Variants in STXBP5L observed in about 807,000 individuals in gnomAD.
The protein encoded by STXBP5L is syntaxin binding protein 5L.
A neutral mutation model predicts 144.5 loss-of-function variants in STXBP5L; 65 were observed. The observed-to-expected ratio is 0.45, with a 90% confidence interval of 0.37 to 0.55. The LOEUF is 0.55. Among genes scored for constraint, STXBP5L ranks in the 20% least tolerant of loss-of-function variants. STXBP5L has a pLI of 0.00. For synonymous variants in STXBP5L, 505 were observed against 469.6 expected (o/e 1.08, Z -0.97); for missense variants, 1,298 against 1,405.5 (o/e 0.92, Z 1.22).
rs114717994 is a variant in STXBP5L at position 121,112,134 on chromosome 3, C to A, written c.471-2791C>A. Among the ~76,000 whole-genome samples the A allele has an allele frequency of 7.3e-3, 1,113 of 152,178 alleles. 8 individuals are homozygous for A. Among genetic ancestry groups the A allele is most frequent in the African/African-American group, 0.024 (989 of 41,538 alleles). ...TGCATTTATGGCTGCCACCCCTCCCCCCAGGACTCAGTCATCTTAGGCAAC... is the reference window on the plus strand; with the variant it reads ...TGCATTTATGGCTGCCACCCCTCCCACCAGGACTCAGTCATCTTAGGCAAC... On this transcript the variant is annotated intron_variant, in intron 5 of 26. Transcript: ENST00000471454.
intron 9 of STXBP5L, among the ~76,000 whole-genome samples, chr3:121,186,155 G>A (rs1350775985): frequency 6.6e-6 from 1 of 152,162 alleles, no homozygotes; most frequent in Non-Finnish European, 1.5e-5. Context: ...TTTGTATCCT[G>A]AGACTTTGCT....
intron 9 of STXBP5L, among the ~76,000 whole-genome samples, chr3:121,199,292 C>T (rs1351998159): frequency 9.2e-5 from 14 of 151,642 alleles, no homozygotes; most frequent in Admixed American, 8.6e-4. Flanking sequence ...TGTCTATTAT[C>T]GATGTATAGG....
chr3:121,203,142 G>A (rs1223346008), intron 9 of STXBP5L, among the ~76,000 whole-genome samples: 1 of 149,822 alleles, frequency 6.7e-6, no homozygotes, highest in Non-Finnish European at 1.5e-5. Context: ...CCTCAAAATT[G>A]CTCTATTAAA....
chr3:121,020,445 C>T (rs1215413963), intron 3 of STXBP5L, among the ~76,000 whole-genome samples: 1 of 152,058 alleles, frequency 6.6e-6, no homozygotes, highest in Non-Finnish European at 1.5e-5. Context: ...AAGATAATCA[C>T]CTAGACACAT....
At chr3:121,412,539 A>C (rs2047136014) in intron 23 of STXBP5L, among the ~76,000 whole-genome samples, 1 of 152,094 alleles carries the variant, frequency 6.6e-6, no homozygotes, top group Admixed American at 6.6e-5. Context: ...GTCTTAGAGC[A>C]AGCATAACAT....
rs1357166170 is a variant in STXBP5L, at chr3:120,908,324, G to T, written c.-19G>T. 6.6e-6 allele frequency: 1 copy of T among 152,446 alleles called. No individual in the cohort carries two copies. Among genetic ancestry groups the T allele is most frequent in the African/African-American group, 2.4e-5 (1 of 41,474 alleles). 9.4% of individuals were successfully genotyped at this position (152,446 alleles called of 1,614,324 possible). ...CCCGGGCTGGCAGGCGGCTAGAGGC[G>T]TCTGAGGAAGGTGCCTAAGTCCTGG... On this transcript the variant is annotated 5_prime_UTR_variant, in exon 1 of 27. Transcript: ENST00000471454.
At chr3:120,917,859 G>A (rs139417201) in intron 2 of STXBP5L, among the ~76,000 whole-genome samples, 1 of 152,300 alleles carries the variant, frequency 6.6e-6, no homozygotes, top group African/African-American at 2.4e-5. Flanking sequence ...TCTATGAGAA[G>A]ATCATATGAC....
chr3:121,120,459 A>G (rs1439964739), intron 6 of STXBP5L, among the ~76,000 whole-genome samples: 2 of 151,250 alleles, frequency 1.3e-5, no homozygotes, highest in Admixed American at 6.6e-5. Flanking sequence ...TATCACATCA[A>G]TCATAATACA....
chr3:121,293,151 A>T (rs1391806114), intron 19 of STXBP5L, among the ~76,000 whole-genome samples: 1 of 152,260 alleles, frequency 6.6e-6, no homozygotes, highest in Non-Finnish European at 1.5e-5. Context: ...AGAATATACT[A>T]TTGATAACTA....
At chr3:121,057,001 T>A (rs1044679554) in intron 5 of STXBP5L, among the ~76,000 whole-genome samples, 3 of 150,538 alleles carry the variant, frequency 2.0e-5, no homozygotes, top group African/African-American at 7.3e-5. Context: ...TTATATATAT[T>A]TTATTACACA....
chr3:120,958,032 G>T (rs561600738), intron 3 of STXBP5L, among the ~76,000 whole-genome samples: 2 of 152,074 alleles, frequency 1.3e-5, no homozygotes, highest in Admixed American at 6.5e-5. Context: ...AAGAAGAAAA[G>T]GGAGAAGAGT....
chr3:121,310,562 C>A (rs938789658), intron 19 of STXBP5L, among the ~76,000 whole-genome samples: 1 of 151,468 alleles, frequency 6.6e-6, no homozygotes, highest in African/African-American at 2.4e-5. Flanking sequence ...TTGTAGTGAG[C>A]CGAAATCGTG....
chr3:121,346,721 T>C (rs1002230769), intron 20 of STXBP5L, among the ~76,000 whole-genome samples: 3 of 152,144 alleles, frequency 2.0e-5, no homozygotes, highest in African/African-American at 7.2e-5. Flanking sequence ...AGCATTTTTG[T>C]ATGTGTCTTT....
chr3:121,335,919 G>C (rs1416304902), intron 20 of STXBP5L, among the ~76,000 whole-genome samples: 1 of 152,106 alleles, frequency 6.6e-6, no homozygotes, highest in Non-Finnish European at 1.5e-5. Context: ...AGTGATAAAT[G>C]GGATATAATT....
At chr3:121,021,591 C>G (rs1324751290) in intron 3 of STXBP5L, among the ~76,000 whole-genome samples, 1 of 152,056 alleles carries the variant, frequency 6.6e-6, no homozygotes, top group Non-Finnish European at 1.5e-5. Flanking sequence ...TGGAATATAA[C>G]TGGAAATCAT....
At chr3:121,082,913 T>C (rs1311928104) in intron 5 of STXBP5L, among the ~76,000 whole-genome samples, 2 of 152,172 alleles carry the variant, frequency 1.3e-5, no homozygotes, top group Non-Finnish European at 2.9e-5. Flanking sequence ...AACTTTTACA[T>C]TTGGGCTGGG....
intron 19 of STXBP5L, among the ~76,000 whole-genome samples, chr3:121,299,492 C>G (rs922875837): frequency 6.6e-6 from 1 of 151,982 alleles, no homozygotes; most frequent in African/African-American, 2.4e-5. Context: ...ATTGCTTTAA[C>G]AATATATTGC....
chr3:121,009,725 A>C (rs565216021), intron 3 of STXBP5L, among the ~76,000 whole-genome samples: 2 of 152,038 alleles, frequency 1.3e-5, no homozygotes, highest in Admixed American at 1.3e-4. Context: ...CTAATTCTGA[A>C]TGTACCACTT....
intron 3 of STXBP5L, among the ~76,000 whole-genome samples, chr3:120,982,418 C>T (rs1330239464): frequency 2.6e-5 from 4 of 152,160 alleles, no homozygotes; most frequent in Non-Finnish European, 5.9e-5. Context: ...ATGTACTGAG[C>T]TCTCTGAAGG....
Sources: gnomAD v4.1 joint callset for allele counts (sites outside exome capture counted in the v4.1 genomes callset) on GRCh38, gnomAD v4.1.1 for gene constraint, MANE v1.5 for transcripts, NCBI Gene and HGNC (gene_info 2026-07-23, HGNC 2026-07-21) for gene names.